The following C8orf34 variants were observed in gnomAD, a reference collection of about 807,000 sequenced individuals.
C8orf34 encodes chromosome 8 open reading frame 34, also known as uncharacterized protein C8orf34.
Under a neutral mutation model 68.3 loss-of-function variants are expected in C8orf34, and 65 were observed. The ratio of observed to expected loss-of-function variants is 0.95; its 90% CI spans 0.78 to 1.17. The LOEUF (loss-of-function observed/expected upper bound fraction) is 1.17. Ranked by LOEUF, C8orf34 falls within the 50% of genes most tolerant of loss-of-function variation. The pLI is 0.00. For synonymous variants in C8orf34, 244 were observed against 241.2 expected (o/e 1.01, Z -0.11); for missense variants, 664 against 655.4 (o/e 1.01, Z -0.14).
intron 12 of C8orf34, among the ~76,000 whole-genome samples, chr8:68,808,438 T>A (rs566754513): frequency 2.2e-4 from 34 of 152,180 alleles, no homozygotes; most frequent in Middle Eastern, 3.4e-3. Context: ...GTTTTTACTT[T>A]TAAGTATGTA....
rs1811232564 is a variant in C8orf34, at chr8:68,448,966, G to A, written c.607+2506G>A. On this transcript the variant is annotated intron_variant, in intron 3 of 13. Transcript: ENST00000518698. ...ATTAAGAAGACATCATAATACTAAA[G>A]CGTTATGCACCCAATAACAGAAGTT... Among the ~76,000 whole-genome samples, 5 of 151,970 alleles carry A rather than the reference G, an allele frequency of 3.3e-5. No individual in the cohort carries two copies. In the South Asian group the frequency reaches 1.0e-3, roughly 32 times the overall value.
At chr8:68,524,247 A>G (rs1305471309) in intron 6 of C8orf34, among the ~76,000 whole-genome samples, 3 of 152,222 alleles carry the variant, frequency 2.0e-5, no homozygotes, top group African/African-American at 7.2e-5. Flanking sequence ...TAAATGGCAT[A>G]ATAAACCTTG....
At chr8:68,788,841 G>C (rs1229882871) in intron 12 of C8orf34, among the ~76,000 whole-genome samples, 1 of 151,656 alleles carries the variant, frequency 6.6e-6, no homozygotes, top group Non-Finnish European at 1.5e-5. Context: ...CCTGGCGACA[G>C]AGCGAGACTC....
rs1321423072 is a variant in C8orf34 at position 68,427,376 on chromosome 8, C to T, written c.328-12123C>T. ...ATACTCAGCAATAAAAAGGAATAAA[C>T]CATTTATATGCATAACAACGTGGAC... On this transcript the variant is annotated intron_variant, in intron 1 of 13. Coordinates refer to ENST00000518698, the MANE Select transcript of C8orf34 (RefSeq NM_052958.4). 3.9e-5 allele frequency among the ~76,000 whole-genome samples: 6 copies of T among 152,144 alleles called. 1 individual carries two copies. The highest frequency in any genetic ancestry group is 9.6e-5 in the African/African-American group (4 of 41,508).
intron 1 of C8orf34, among the ~76,000 whole-genome samples, chr8:68,435,479 T>C (rs1375191664): frequency 6.6e-6 from 1 of 152,162 alleles, no homozygotes; most frequent in East Asian, 1.9e-4. Context: ...CATGTGGTTC[T>C]CAGATGCTTG....
chr8:68,738,167 C>A (rs1563639304), intron 10 of C8orf34, among the ~76,000 whole-genome samples: 1 of 152,010 alleles, frequency 6.6e-6, no homozygotes, highest in Non-Finnish European at 1.5e-5. Flanking sequence ...AGTACAATTA[C>A]TTGGAAATTG....
chr8:68,815,709 A>C (rs541436555), intron 12 of C8orf34, among the ~76,000 whole-genome samples, 177 bp from the exon 13 acceptor site: 1 of 152,220 alleles, frequency 6.6e-6, no homozygotes, highest in Non-Finnish European at 1.5e-5. Flanking sequence ...GAATGAAGAT[A>C]TACACACTTC....
chr8:68,471,810 A>G (rs7839809), intron 4 of C8orf34, among the ~76,000 whole-genome samples: 16,873 of 151,926 alleles, frequency 0.11, 1,034 homozygotes, highest in African/African-American at 0.14. Context: ...AAAAAATCCT[A>G]CATGTTTTAG....
intron 7 of C8orf34, among the ~76,000 whole-genome samples, chr8:68,540,233 GATTTT>G (rs1160019079): frequency 6.6e-6 from 1 of 150,816 alleles, no homozygotes; most frequent in East Asian, 1.9e-4. Context: ...AAAATCTAGT[GATTTT>G]ATTTTACTTT....
chr8:68,714,250 A>C (rs1821406462), intron 9 of C8orf34, among the ~76,000 whole-genome samples: 1 of 152,158 alleles, frequency 6.6e-6, no homozygotes, highest in Non-Finnish European at 1.5e-5. Flanking sequence ...GCCTACTTTC[A>C]CCACTTCTAT....
intron 1 of C8orf34, among the ~76,000 whole-genome samples, chr8:68,392,959 C>T (rs942527678): frequency 6.6e-6 from 1 of 152,072 alleles, no homozygotes; most frequent in South Asian, 2.1e-4. Context: ...TTTGTTTAAT[C>T]CATTAGCCAA....
intron 10 of C8orf34, among the ~76,000 whole-genome samples, chr8:68,721,660 T>C (rs940892041): frequency 2.0e-5 from 3 of 151,986 alleles, no homozygotes; most frequent in Non-Finnish European, 4.4e-5. Context: ...TAAAAGGTTA[T>C]GAGCTGCCAT....
intron 1 of C8orf34, among the ~76,000 whole-genome samples, chr8:68,362,360 G>A (rs1458827266): frequency 6.6e-6 from 1 of 152,132 alleles, no homozygotes; most frequent in South Asian, 2.1e-4. Flanking sequence ...TTAATATTTA[G>A]CAGAGTCCAC....
At chr8:68,610,861 G>GTTTTTGTTT (rs767393143) in intron 7 of C8orf34, among the ~76,000 whole-genome samples, 5 of 120,474 alleles carry the variant, frequency 4.2e-5, no homozygotes, top group African/African-American at 1.7e-4. Context: ...TGAATCTTTG[G>GTTTTTGTTT]TTTTTTTTTT....
At chr8:68,518,601 A>T (rs977021978) in intron 5 of C8orf34, among the ~76,000 whole-genome samples, 5 of 152,084 alleles carry the variant, frequency 3.3e-5, no homozygotes, top group African/African-American at 9.7e-5. Context: ...CTTTTGATTT[A>T]GCCTTAAAAT....
chr8:68,534,206 G>A, intron 7 of C8orf34: 3 of 985,408 alleles, frequency 3.0e-6, no homozygotes, highest in Non-Finnish European at 3.6e-6. Flanking sequence ...TTCTGATGCT[G>A]TAAAAACTGC....
At chr8:68,374,633 C>G (rs1807711503) in intron 1 of C8orf34, among the ~76,000 whole-genome samples, 1 of 152,180 alleles carries the variant, frequency 6.6e-6, no homozygotes, top group African/African-American at 2.4e-5. Context: ...CCCAGTGCTA[C>G]AGAGTCTCTA....
Position 68,818,386 on chromosome 8 carries a change from C to T in C8orf34, c.*140C>T, listed in dbSNP as rs1410675336. 2.3e-5 allele frequency: 22 copies of T among 975,118 alleles called. No individual in the cohort carries two copies. Among genetic ancestry groups the T allele is most frequent in the Middle Eastern group, 6.5e-4 (2 of 3,062 alleles). The allele number at this position is 975,118 out of a possible 1,614,324, so 60.4% of individuals were successfully genotyped here. ...AATCTCAATAATAAACAAGTACTAT[C>T]GTAGCCAGGGGGTGCCCAAGTATGT... On this transcript the variant is annotated 3_prime_UTR_variant, in exon 14 of 14. Transcript: ENST00000518698.
intron 1 of C8orf34, among the ~76,000 whole-genome samples, chr8:68,404,911 A>G (rs1054508197): frequency 1.3e-5 from 2 of 152,092 alleles, no homozygotes; most frequent in South Asian, 2.1e-4. Context: ...AAGAAAGTCA[A>G]TGGTAACTTG....
Sources: gnomAD v4.1 joint callset for allele counts (sites outside exome capture counted in the v4.1 genomes callset) on GRCh38, gnomAD v4.1.1 for gene constraint, MANE v1.5 for transcripts, NCBI Gene and HGNC (gene_info 2026-07-23, HGNC 2026-07-21) for gene names.